The following PTPRH variants were observed in gnomAD, a reference collection of about 807,000 sequenced individuals.
PTPRH encodes the protein protein tyrosine phosphatase receptor type H.
PTPRH carries 113 observed loss-of-function variants against 130.2 expected under a neutral mutation model. The ratio of observed to expected loss-of-function variants is 0.87; its 90% CI spans 0.75 to 1.01. The LOEUF (loss-of-function observed/expected upper bound fraction) is 1.01. Ranked by LOEUF, PTPRH falls within the 50% of genes least tolerant of loss-of-function variation. The probability of loss-of-function intolerance (pLI) is 0.00; values close to 1 mark genes in which losing one functional copy is unlikely to be tolerated. For missense variants in PTPRH, 1,430 were observed against 1,425.0 expected, an observed-to-expected ratio of 1.00 and a Z score of -0.06; for synonymous variants, 556 against 577.9, an observed-to-expected ratio of 0.96 and a Z score of 0.54.
chr19:55,199,933 C>T (rs533669129), intron 7 of PTPRH, among the ~76,000 whole-genome samples: 2 of 131,870 alleles, frequency 1.5e-5, no homozygotes, highest in South Asian at 2.4e-4. Context: ...AGAGAGAAAG[C>T]GAGAAAGGAA....
intron 10 of PTPRH, among the ~76,000 whole-genome samples, chr19:55,195,969 A>G (rs2086668049): frequency 6.6e-6 from 1 of 151,570 alleles, no homozygotes; most frequent in Admixed American, 6.6e-5. Context: ...GAATGGGAGA[A>G]CTAGGGGGTG....
intron 9 of PTPRH, 49 bp from the exon 10 acceptor site, chr19:55,196,837 C>G: frequency 6.4e-7 from 1 of 1,572,442 alleles, no homozygotes; most frequent in Non-Finnish European, 8.7e-7. Flanking sequence ...GGTGGCTTTC[C>G]ACCCCCTCCA....
In PTPRH at chr19:55,206,641, C is replaced by A. The variant is rs191591568; in HGVS notation, c.352+48G>T. The A allele has an allele frequency of 4.8e-5, 74 of 1,527,820 alleles. No homozygotes were observed. In the African/African-American group the frequency reaches 7.9e-4, roughly 16 times the overall value. 94.6% of individuals were successfully genotyped at this position (1,527,820 alleles called of 1,614,324 possible). Reference sequence around the variant, plus strand: ...TTGTCAGCTCTCAACCACCCCCTACCACTGTCCTTATAAAAGAAATAAAAA... The same window carrying A: ...TTGTCAGCTCTCAACCACCCCCTACAACTGTCCTTATAAAAGAAATAAAAA... On this transcript the variant is annotated intron_variant, in intron 3 of 19. Transcript: ENST00000376350.
chr19:55,182,997 T>G (rs2086218772), intron 18 of PTPRH, among the ~76,000 whole-genome samples: 1 of 151,458 alleles, frequency 6.6e-6, no homozygotes, highest in South Asian at 2.1e-4. Flanking sequence ...GGTCTTGCCA[T>G]GTTGCCCAGG....
chr19:55,206,328 CTTTT>C (rs571836867), intron 3 of PTPRH, among the ~76,000 whole-genome samples: 1 of 134,190 alleles, frequency 7.5e-6, no homozygotes, highest in Non-Finnish European at 1.6e-5. Flanking sequence ...GTTTTCTTTT[CTTTT>C]TTTTTTTTTG....
At chr19:55,188,200 C>A (rs773936045) in intron 12 of PTPRH, 32 bp from the exon 13 acceptor site, 3 of 1,557,856 alleles carry the variant, frequency 1.9e-6, no homozygotes, top group Non-Finnish European at 1.8e-6. Context: ...GGAGAAAAGA[C>A]CGTAACTTCT....
intron 10 of PTPRH, among the ~76,000 whole-genome samples, chr19:55,193,848 T>C (rs1289104966): frequency 1.3e-5 from 2 of 151,898 alleles, no homozygotes; most frequent in African/African-American, 2.4e-5. Flanking sequence ...CTTTTTTTTT[T>C]TTCTTGGTTT....
At chr19:55,199,136 C>T (rs532527626) in intron 7 of PTPRH, among the ~76,000 whole-genome samples, 6 of 152,074 alleles carry the variant, frequency 3.9e-5, no homozygotes, top group African/African-American at 1.2e-4. Flanking sequence ...GAGACCCTAT[C>T]GCTACTAAAA....
intron 12 of PTPRH, among the ~76,000 whole-genome samples, chr19:55,190,556 T>TTA (rs556451653): frequency 7.5e-6 from 1 of 133,426 alleles, no homozygotes; most frequent in East Asian, 2.0e-4. Flanking sequence ...ATATAATATA[T>TTA]TATATATATA....
At chr19:55,187,199 G>T (rs1484019223) in intron 14 of PTPRH, among the ~76,000 whole-genome samples, 3 of 150,430 alleles carry the variant, frequency 2.0e-5, no homozygotes, top group African/African-American at 7.4e-5. Flanking sequence ...CAAAAAATTA[G>T]CCGGGCGAGG....
At chr19:55,183,406 C>G (rs374182663) in intron 18 of PTPRH, among the ~76,000 whole-genome samples, 67 of 149,064 alleles carry the variant, frequency 4.5e-4, no homozygotes, top group African/African-American at 1.7e-3. Flanking sequence ...TTCCGTCCCC[C>G]ACAAAAATAA....
At chr19:55,193,643 G>GC (rs892285167) in intron 10 of PTPRH, among the ~76,000 whole-genome samples, 1 of 151,978 alleles carries the variant, frequency 6.6e-6, no homozygotes, top group Non-Finnish European at 1.5e-5. Flanking sequence ...GCGCAGGACG[G>GC]CCCCCCCACA....
chr19:55,190,299 G>A (rs549427051), intron 12 of PTPRH, among the ~76,000 whole-genome samples: 1 of 150,078 alleles, frequency 6.7e-6, no homozygotes, highest in South Asian at 2.1e-4. Context: ...GAACCCGGGA[G>A]GCGGAGGTTG....
rs2087070751 is a variant in PTPRH, at chr19:55,206,732, T to A, written c.309A>T (p.Lys103Asn). ...SLYTCSVWVEKDGVNSSVGTV... is the reference protein window; with the variant it reads ...SLYTCSVWVENDGVNSSVGTV... ...TCCCCACAGAGCTATTTACTCCGTCTTTCTCCACCCACACAGAACACGTAT... is the reference window on the plus strand; with the variant it reads ...TCCCCACAGAGCTATTTACTCCGTCATTCTCCACCCACACAGAACACGTAT... The change falls in exon 3 of 20, where the codon AAA becomes AAT. Residue 103 changes from lysine to asparagine, a missense_variant. Transcript: ENST00000376350. 1 of 1,613,168 alleles carries A rather than the reference T, an allele frequency of 6.2e-7. No individual in the cohort carries two copies. The highest frequency in any genetic ancestry group is 8.5e-7 in the Non-Finnish European group (1 of 1,179,200).
chr19:55,189,810 C>G lies in PTPRH; in HGVS notation c.2385-1642G>C, dbSNP rs527577993. 2.3e-3 allele frequency: 987 copies of G among 424,896 alleles called. 2 individuals are homozygous for G. Among genetic ancestry groups the G allele is most frequent in the Non-Finnish European group, 3.4e-3 (745 of 219,124 alleles). 26.3% of individuals were successfully genotyped at this position (424,896 alleles called of 1,614,324 possible). A position where few individuals can be genotyped will look rare whatever the true frequency, so the allele number is the denominator to read the frequency against. ...AGCCTGGGCAACCTGGTAAGACCACCCCCCCGACCTCCATCTCTACAAAAA... is the reference window on the plus strand; with the variant it reads ...AGCCTGGGCAACCTGGTAAGACCACGCCCCCGACCTCCATCTCTACAAAAA... On this transcript the variant is annotated intron_variant, in intron 12 of 19. Coordinates refer to ENST00000376350, the MANE Select transcript of PTPRH (RefSeq NM_002842.5).
Position 55,197,368 on chromosome 19 carries a change from G to T in PTPRH, c.1739C>A (p.Ser580Ter). The T allele has an allele frequency of 6.2e-7, 1 of 1,614,134 alleles. No homozygotes were observed. Among genetic ancestry groups the T allele is most frequent in the South Asian group, 1.1e-5 (1 of 91,082 alleles). ...DLQNETQTKNSVMLWWKAPGD... is the reference protein window; with the variant it reads ...DLQNETQTKN Reference sequence around the variant, plus strand: ...AGGGGCCTTCCACCACAGCATGACTGAGTTCTTAGTCTGAGTTTCATTCTG... The same window carrying T: ...AGGGGCCTTCCACCACAGCATGACTTAGTTCTTAGTCTGAGTTTCATTCTG... Residue 580 changes from serine (S) to a stop codon, truncating the protein, a stop_gained, in exon 9 of 20, where the codon TCA becomes TAA. Transcript: ENST00000376350. LOFTEE classifies it high-confidence loss of function.
rs769907037 is a variant in PTPRH at position 55,206,678 on chromosome 19, C to T, written c.352+11G>A. On this transcript the variant is annotated intron_variant, in intron 3 of 19. Coordinates refer to ENST00000376350, the MANE Select transcript of PTPRH (RefSeq NM_002842.5). ...AAAAGAAATAAAAATAAAGCAGTGG[C>T]TGCCTCTTACCTGTGGCAGTAGTGA... 6.4e-7 allele frequency: 1 copy of T among 1,573,186 alleles called. No individual in the cohort carries two copies. Among genetic ancestry groups the T allele is most frequent in the South Asian group, 1.1e-5 (1 of 87,050 alleles).
intron 10 of PTPRH, among the ~76,000 whole-genome samples, chr19:55,192,252 A>G (rs939210259): frequency 6.6e-6 from 1 of 151,894 alleles, no homozygotes; most frequent in Non-Finnish European, 1.5e-5. Context: ...AATACAAAAA[A>G]TTAGCAGGGC....
chr19:55,191,461 C>T (rs1404453372), intron 12 of PTPRH, 40 bp downstream of exon 12: 1 of 1,610,468 alleles, frequency 6.2e-7, no homozygotes, highest in African/African-American at 1.3e-5. Flanking sequence ...CTTGATTTGA[C>T]CAGATTCTTT....
Sources: allele counts gnomAD v4.1 joint callset (sites outside exome capture counted in the v4.1 genomes callset), GRCh38; gene constraint gnomAD v4.1.1; transcripts MANE v1.5; gene names NCBI Gene and HGNC (gene_info 2026-07-23, HGNC 2026-07-21).